Variants in MAGI2 observed in about 807,000 individuals in gnomAD.
The protein encoded by MAGI2 is membrane associated guanylate kinase, WW and PDZ domain containing 2, also known as membrane-associated guanylate kinase, WW and PDZ domain-containing protein 2.
A neutral mutation model predicts 133.3 loss-of-function variants in MAGI2; 35 were observed. That is an observed-to-expected ratio of 0.26 (90% CI 0.20 to 0.35). The LOEUF (loss-of-function observed/expected upper bound fraction) is 0.35, where lower values mean the gene tolerates loss of function less well. Ranked by LOEUF, MAGI2 falls within the 10% of genes least tolerant of loss-of-function variation. The pLI is 1.00. For synonymous variants in MAGI2, 729 were observed against 710.6 expected, an observed-to-expected ratio of 1.03 and a Z score of -0.41; for missense variants, 1,636 against 1,863.4, an observed-to-expected ratio of 0.88 and a Z score of 2.25.
intron 1 of MAGI2, among the ~76,000 whole-genome samples, chr7:79,133,755 T>A (rs1821141285): frequency 6.6e-6 from 1 of 152,176 alleles, no homozygotes; most frequent in Non-Finnish European, 1.5e-5. Context: ...CTATACTTAG[T>A]GCTAAAACCC....
At chr7:79,205,045 G>T (rs1386511459) in intron 1 of MAGI2, among the ~76,000 whole-genome samples, 1 of 151,368 alleles carries the variant, frequency 6.6e-6, no homozygotes, top group African/African-American at 2.4e-5. Context: ...AAAGATCAAG[G>T]GTTAGAAAGT....
intron 20 of MAGI2, among the ~76,000 whole-genome samples, chr7:78,098,208 C>T (rs1329247754): frequency 2.0e-5 from 3 of 152,132 alleles, no homozygotes; most frequent in African/African-American, 7.2e-5. Context: ...CTTTATTCCT[C>T]TCCTCACAAA....
chr7:78,698,481 T>C (rs1265654084), intron 2 of MAGI2, among the ~76,000 whole-genome samples: 1 of 152,218 alleles, frequency 6.6e-6, no homozygotes, highest in African/African-American at 2.4e-5. Context: ...ACATTATCTT[T>C]TCACTGTATT....
intron 20 of MAGI2, among the ~76,000 whole-genome samples, chr7:78,081,090 C>A (rs1468888679): frequency 1.3e-5 from 2 of 152,172 alleles, no homozygotes; most frequent in Non-Finnish European, 2.9e-5. Flanking sequence ...CCCCACAGGC[C>A]TGGTGATTTC....
intron 3 of MAGI2, among the ~76,000 whole-genome samples, chr7:78,558,836 CG>C (rs1361605226): frequency 2.1e-4 from 21 of 98,620 alleles, no homozygotes; most frequent in African/African-American, 6.7e-4. Flanking sequence ...TTTGAGACAC[CG>C]TTTTTTTTTT....
chr7:78,630,160 A>T (rs1300651947), intron 2 of MAGI2, among the ~76,000 whole-genome samples: 1 of 151,704 alleles, frequency 6.6e-6, no homozygotes, highest in South Asian at 2.1e-4. Flanking sequence ...TTAACCCCCA[A>T]ATCTCTAAAT....
chr7:78,490,802 A>T (rs1301406114), intron 5 of MAGI2, among the ~76,000 whole-genome samples: 1 of 152,082 alleles, frequency 6.6e-6, no homozygotes, highest in East Asian at 1.9e-4. Context: ...CAGCTGTCTC[A>T]AGGGATCTCA....
At chr7:78,537,663 T>G (rs957312924) in intron 3 of MAGI2, among the ~76,000 whole-genome samples, 3 of 152,160 alleles carry the variant, frequency 2.0e-5, no homozygotes, top group African/African-American at 7.2e-5. Flanking sequence ...CTGTCCATAT[T>G]CTTAGCCCAT....
chr7:78,959,130 G>T (rs1343744691), intron 2 of MAGI2, among the ~76,000 whole-genome samples: 1 of 151,986 alleles, frequency 6.6e-6, no homozygotes, highest in Non-Finnish European at 1.5e-5. Context: ...TGAATTGATG[G>T]AATTGCTTTT....
intron 20 of MAGI2, among the ~76,000 whole-genome samples, chr7:78,093,594 G>A (rs1208744604): frequency 6.6e-6 from 1 of 152,180 alleles, no homozygotes; most frequent in Admixed American, 6.5e-5. Flanking sequence ...TGATATAAGA[G>A]GCGCCCTCCA....
intron 2 of MAGI2, among the ~76,000 whole-genome samples, chr7:78,801,361 G>C (rs1162764531): frequency 6.6e-6 from 1 of 152,134 alleles, no homozygotes; most frequent in African/African-American, 2.4e-5. Context: ...TGAATGATCT[G>C]GGAGAGCTTC....
At chr7:78,391,621 T>A (rs1413535150) in intron 6 of MAGI2, among the ~76,000 whole-genome samples, 2 of 152,252 alleles carry the variant, frequency 1.3e-5, no homozygotes, top group African/African-American at 4.8e-5. Context: ...AATTAATATG[T>A]CATTCTGTGA....
At chr7:78,970,896 G>C (rs946884768) in intron 2 of MAGI2, among the ~76,000 whole-genome samples, 9 of 152,036 alleles carry the variant, frequency 5.9e-5, no homozygotes, top group African/African-American at 2.2e-4. Context: ...TTCTAACACT[G>C]TGATGCATTT....
chr7:78,760,741 A>AGT (rs990432802), intron 2 of MAGI2, among the ~76,000 whole-genome samples: 1 of 152,140 alleles, frequency 6.6e-6, no homozygotes, highest in African/African-American at 2.4e-5. Context: ...CCGATATGTA[A>AGT]GTGTGTGTGC....
At chr7:78,641,488 G>T (rs534026767) in intron 2 of MAGI2, among the ~76,000 whole-genome samples, 1 of 152,320 alleles carries the variant, frequency 6.6e-6, no homozygotes, top group Admixed American at 6.5e-5. Context: ...GTGGTGGACA[G>T]ATTTAACCCG....
chr7:78,459,213 T>C (rs1271375504), intron 6 of MAGI2, among the ~76,000 whole-genome samples: 1 of 152,340 alleles, frequency 6.6e-6, no homozygotes, highest in East Asian at 1.9e-4. Flanking sequence ...AGGCAACTTT[T>C]GAATATAATC....
chr7:78,074,705 A>G (rs936247607), intron 21 of MAGI2, among the ~76,000 whole-genome samples: 6 of 152,228 alleles, frequency 3.9e-5, no homozygotes, highest in African/African-American at 1.4e-4. Context: ...ATCTTAGACA[A>G]AAAGAATTCT....
intron 1 of MAGI2, among the ~76,000 whole-genome samples, chr7:79,054,538 T>C (rs1812968449): frequency 6.6e-6 from 1 of 152,156 alleles, no homozygotes; most frequent in Admixed American, 6.5e-5. Flanking sequence ...TCTTGTCGAT[T>C]CCACAGTGAA....
chr7:78,238,151 A>G (rs755954018), intron 10 of MAGI2, among the ~76,000 whole-genome samples: 1 of 151,974 alleles, frequency 6.6e-6, no homozygotes, highest in Non-Finnish European at 1.5e-5. Flanking sequence ...TGACATTTAA[A>G]ATTGGAGGTT....
Sources: gnomAD v4.1 joint callset for allele counts (sites outside exome capture counted in the v4.1 genomes callset) on GRCh38, gnomAD v4.1.1 for gene constraint, MANE v1.5 for transcripts, NCBI Gene and HGNC (gene_info 2026-07-23, HGNC 2026-07-21) for gene names.